NFIC: variants seen among roughly 807,000 people sequenced by gnomAD.
The protein encoded by NFIC is nuclear factor 1 C-type.
Under a neutral mutation model 54.4 loss-of-function variants are expected in NFIC, and 12 were observed. The ratio of observed to expected loss-of-function variants is 0.22; its 90% CI spans 0.14 to 0.36. The LOEUF is 0.36. NFIC is among the 10% of genes least tolerant of loss of function. The pLI is 1.00. For synonymous variants in NFIC, 322 were observed against 319.2 expected, an observed-to-expected ratio of 1.01 and a Z score of -0.09; for missense variants, 575 against 718.2, an observed-to-expected ratio of 0.80 and a Z score of 2.28.
intron 6 of NFIC, among the ~76,000 whole-genome samples, chr19:3,443,685 A>G (rs761443278): frequency 6.6e-6 from 1 of 152,076 alleles, no homozygotes; most frequent in African/African-American, 2.4e-5. Flanking sequence ...GATTTTACCT[A>G]TGGGTGATCC....
chr19:3,412,890 T>A (rs2081788465), intron 2 of NFIC, among the ~76,000 whole-genome samples: 1 of 152,072 alleles, frequency 6.6e-6, no homozygotes, highest in Non-Finnish European at 1.5e-5. Context: ...TCTGCTGGAA[T>A]AAAGAACAGA....
intron 6 of NFIC, among the ~76,000 whole-genome samples, chr19:3,440,460 C>G (rs2145648589): frequency 6.6e-6 from 1 of 150,842 alleles, no homozygotes; most frequent in Middle Eastern, 3.4e-3. Flanking sequence ...CGGAATCTCT[C>G]TCTGTCGCTC....
At chr19:3,403,480 G>A (rs1345544818) in intron 2 of NFIC, among the ~76,000 whole-genome samples, 1 of 152,196 alleles carries the variant, frequency 6.6e-6, no homozygotes. Context: ...GCACAGAGCA[G>A]GGCGGAGATG....
intron 2 of NFIC, among the ~76,000 whole-genome samples, chr19:3,421,436 G>T (rs1469952564): frequency 6.6e-6 from 1 of 152,242 alleles, no homozygotes; most frequent in African/African-American, 2.4e-5. Context: ...GAACTGGCCA[G>T]CTCCGAGGGG....
chr19:3,361,354 T>C (rs938296724), intron 1 of NFIC, among the ~76,000 whole-genome samples: 1 of 152,104 alleles, frequency 6.6e-6, no homozygotes, highest in African/African-American at 2.4e-5. Flanking sequence ...AGGAGACCCC[T>C]ATTATCCTAT....
chr19:3,375,229 C>T lies in NFIC; in HGVS notation c.31-6483C>T, dbSNP rs1206374924. Among the ~76,000 whole-genome samples, 1 of 152,162 alleles carries T rather than the reference C, an allele frequency of 6.6e-6. No homozygotes were observed. Among genetic ancestry groups the T allele is most frequent in the African/African-American group, 2.4e-5 (1 of 41,432 alleles). On this transcript the variant is annotated intron_variant, in intron 1 of 10. Coordinates refer to ENST00000443272, the MANE Select transcript of NFIC (RefSeq NM_001245002.2). This position sits in a 1 kb window ranked among gnomAD's most constrained non-coding sequence, Gnocchi z 4.6. ...CCCTTCCAGCAGCCTCTTATCACAG[C>T]CCCAGTAAGCGCCAGAGCTTGGGTG...
At chr19:3,454,169 G>C (rs2082514858) in intron 9 of NFIC, 1 of 1,264,152 alleles carries the variant, frequency 7.9e-7, no homozygotes, top group Admixed American at 4.3e-5. Context: ...CGAGTCACCT[G>C]GGGGACCCCG....
intron 1 of NFIC, chr19:3,359,756 G>A: frequency 7.4e-7 from 1 of 1,358,906 alleles, no homozygotes; most frequent in Admixed American, 3.0e-5. Flanking sequence ...CCGGGCGAAA[G>A]TTGCAAGATC....
chr19:3,366,541 G>C, upstream of NFIC: 1 of 571,118 alleles, frequency 1.8e-6, no homozygotes, highest in Non-Finnish European at 2.7e-6. Flanking sequence ...GGGCGGGGGG[G>C]GGGGTTGGGG....
At chr19:3,434,909 T>C (rs2082174085) in intron 5 of NFIC, 174 bp from the exon 6 acceptor site, 2 of 838,440 alleles carry the variant, frequency 2.4e-6, no homozygotes, top group Non-Finnish European at 3.6e-6. Flanking sequence ...AATGGACAGG[T>C]TGGAACAGGC....
Position 3,370,616 on chromosome 19 carries a change from C to G in NFIC, c.30+3950C>G, listed in dbSNP as rs1466033122. Among the ~76,000 whole-genome samples the G allele has an allele frequency of 6.6e-6, 1 of 150,670 alleles. No homozygotes were observed. Among genetic ancestry groups the G allele is most frequent in the African/African-American group, 2.4e-5 (1 of 40,862 alleles). On this transcript the variant is annotated intron_variant, in intron 1 of 10. Coordinates refer to ENST00000443272, the MANE Select transcript of NFIC (RefSeq NM_001245002.2). This position sits in a 1 kb window ranked among gnomAD's most constrained non-coding sequence, Gnocchi z 5.2. Reference sequence around the variant, plus strand: ...TTCTCTCTCTCTCCCCGTCTCCCTTCTCTCCCTCTCTCCTTCTCTCTTCTC... The same window carrying G: ...TTCTCTCTCTCTCCCCGTCTCCCTTGTCTCCCTCTCTCCTTCTCTCTTCTC...
chr19:3,443,670 CAG>C (rs934695606), intron 6 of NFIC, among the ~76,000 whole-genome samples: 3 of 152,042 alleles, frequency 2.0e-5, no homozygotes, highest in Admixed American at 6.6e-5. Context: ...TCCTCTAAGA[CAG>C]AGGATTTTAC....
intron 10 of NFIC, among the ~76,000 whole-genome samples, chr19:3,462,000 G>A (rs1371594767): frequency 6.6e-6 from 1 of 151,878 alleles, no homozygotes; most frequent in Non-Finnish European, 1.5e-5. Context: ...GTTGCAATGA[G>A]CCGAGATCAT....
At chr19:3,446,623 C>T (rs1465984435) in intron 6 of NFIC, among the ~76,000 whole-genome samples, 1 of 152,214 alleles carries the variant, frequency 6.6e-6, no homozygotes, top group East Asian at 1.9e-4. Context: ...AAAATCCTTT[C>T]TAAAAATTCG....
chr19:3,405,580 T>A (rs955019821), intron 2 of NFIC, among the ~76,000 whole-genome samples: 25 of 152,188 alleles, frequency 1.6e-4, no homozygotes, highest in South Asian at 6.2e-4. Flanking sequence ...TTTCTATTTT[T>A]ATTTAATTTA....
At chr19:3,437,995 C>T (rs1012964257) in intron 6 of NFIC, among the ~76,000 whole-genome samples, 10 of 152,052 alleles carry the variant, frequency 6.6e-5, no homozygotes, top group Non-Finnish European at 1.0e-4. Flanking sequence ...CGCACCCAGC[C>T]GTGACTTCTC....
upstream of NFIC, among the ~76,000 whole-genome samples, chr19:3,365,545 T>C (rs992801582): frequency 5.9e-5 from 9 of 152,188 alleles, no homozygotes; most frequent in African/African-American, 2.2e-4. Flanking sequence ...GCCAGGTCTC[T>C]GCCCTGTTAC....
chr19:3,457,359 G>C (rs1246176818), intron 10 of NFIC, among the ~76,000 whole-genome samples: 1 of 152,202 alleles, frequency 6.6e-6, no homozygotes, highest in Non-Finnish European at 1.5e-5. Flanking sequence ...TCAGAGAGGG[G>C]AAGTCAATTG....
chr19:3,366,438 A>C, upstream of NFIC: 3 of 493,954 alleles, frequency 6.1e-6, no homozygotes, highest in Non-Finnish European at 1.1e-5. Context: ...AGAGAGGGAC[A>C]GAGAGCGAGG....
Sources: gnomAD v4.1 joint callset for allele counts (sites outside exome capture counted in the v4.1 genomes callset) on GRCh38, gnomAD v4.1.1 for gene constraint, Gnocchi (gnomAD v3.1) non-coding constraint, MANE v1.5 for transcripts, NCBI Gene and HGNC (gene_info 2026-07-23, HGNC 2026-07-21) for gene names.